The following COP1 variants were observed in gnomAD, a reference collection of about 807,000 sequenced individuals.
The protein encoded by COP1 is COP1 E3 ubiquitin ligase.
In COP1, 24 loss-of-function variants were observed where a neutral mutation model predicts 101.3. The observed-to-expected ratio is 0.24, with a 90% confidence interval of 0.17 to 0.33. The LOEUF (loss-of-function observed/expected upper bound fraction) is 0.33, where lower values mean the gene tolerates loss of function less well. Among genes scored for constraint, COP1 ranks in the 10% least tolerant of loss-of-function variants. The pLI is 1.00. For missense variants in COP1, 663 were observed against 906.2 expected, an observed-to-expected ratio of 0.73 and a Z score of 3.45; for synonymous variants, 347 against 341.9, an observed-to-expected ratio of 1.01 and a Z score of -0.17.
chr1:176,094,602 C>A, intron 9 of COP1, among the ~76,000 whole-genome samples: 1 of 149,548 alleles, frequency 6.7e-6, no homozygotes. Context: ...TCACATTTAG[C>A]AAACTCAAAG....
chr1:176,063,173 C>T lies in COP1; in HGVS notation c.1278-16849G>A, dbSNP rs567596132. 6.8e-3 allele frequency among the ~76,000 whole-genome samples: 1,005 copies of T among 148,636 alleles called. 9 individuals carry two copies. Among genetic ancestry groups the T allele is most frequent in the African/African-American group, 0.024 (953 of 40,540 alleles). Reference sequence around the variant, plus strand: ...TTCCTGGGTTCACGCCATTCTCCTGCCTCAGCCTCCCGAGTAGCTGGGACT... The same window carrying T: ...TTCCTGGGTTCACGCCATTCTCCTGTCTCAGCCTCCCGAGTAGCTGGGACT... On this transcript the variant is annotated intron_variant, in intron 11 of 19. Coordinates refer to ENST00000367669, the MANE Select transcript of COP1 (RefSeq NM_022457.7).
chr1:176,178,142 T>C (rs12093427), intron 2 of COP1, among the ~76,000 whole-genome samples: 8,516 of 152,212 alleles, frequency 0.056, 275 homozygotes, highest in African/African-American at 0.077. Flanking sequence ...ACTAAATCTT[T>C]ATTTTCATTT....
At chr1:176,161,907 A>G (rs1694385335) in intron 5 of COP1, among the ~76,000 whole-genome samples, 2 of 152,246 alleles carry the variant, frequency 1.3e-5, no homozygotes, top group Admixed American at 1.3e-4. Flanking sequence ...ATCCAAGCTA[A>G]GTTAATCATA....
At position 176,104,113 on chromosome 1, in the gene COP1, T is replaced by C. The variant is rs149527031; in HGVS notation, c.1026+12511A>G. 4.6e-5 allele frequency among the ~76,000 whole-genome samples: 7 copies of C among 152,248 alleles called. No individual in the cohort carries two copies. The East Asian group carries it at 1.2e-3, about 25-fold the overall frequency. On this transcript the variant is annotated intron_variant, in intron 9 of 19. Transcript: ENST00000367669. ...CAGCAGATGGATAAACTTTTTAAAATAGGGCTGGGGGCACATAGCTAGTCA... is the reference window on the plus strand; with the variant it reads ...CAGCAGATGGATAAACTTTTTAAAACAGGGCTGGGGGCACATAGCTAGTCA...
At chr1:176,028,727 A>ATATATATG (rs5778886) in intron 14 of COP1, among the ~76,000 whole-genome samples, 1 of 111,750 alleles carries the variant, frequency 8.9e-6, no homozygotes, top group Non-Finnish European at 1.9e-5. Context: ...ATATATATAT[A>ATATATATG]GTTTTATATA....
At chr1:176,018,020 AG>A (rs144732500) in intron 15 of COP1, among the ~76,000 whole-genome samples, 8,702 of 152,286 alleles carry the variant, frequency 0.057, 368 homozygotes, top group Middle Eastern at 0.12. Context: ...CTCTCAATTT[AG>A]TTGTCAGATC....
chr1:176,165,976 T>G (rs1695078006), intron 3 of COP1, among the ~76,000 whole-genome samples: 1 of 152,218 alleles, frequency 6.6e-6, no homozygotes, highest in Non-Finnish European at 1.5e-5. Flanking sequence ...AAATAGTGAC[T>G]GTTAAATACT....
chr1:176,201,206 C>A (rs1255689523), intron 1 of COP1, among the ~76,000 whole-genome samples: 2 of 151,886 alleles, frequency 1.3e-5, no homozygotes, highest in African/African-American at 4.8e-5. Flanking sequence ...ACCAAAAAAA[C>A]CCCTAAAATC....
chr1:176,141,484 G>C (rs146447727), intron 6 of COP1, among the ~76,000 whole-genome samples: 2,412 of 152,084 alleles, frequency 0.016, 32 homozygotes, highest in Non-Finnish European at 0.023. Flanking sequence ...CTGGGCAACA[G>C]AGCAAGACTC....
rs565522944 is a variant in COP1 at position 176,109,042 on chromosome 1, G to A, written c.1026+7582C>T. ...CTGGAGAATCGCTTGAACCCGGGAG[G>A]TGGAGGTTGCAGTGAGCTGAGATCA... On this transcript the variant is annotated intron_variant, in intron 9 of 19. Transcript: ENST00000367669. 1.1e-4 allele frequency among the ~76,000 whole-genome samples: 16 copies of A among 152,220 alleles called. No homozygotes were observed. In the South Asian group the frequency reaches 3.3e-3, roughly 32 times the overall value.
At chr1:175,982,415 C>T (rs1309479747) in intron 18 of COP1, 1 of 456,454 alleles carries the variant, frequency 2.2e-6, no homozygotes, top group South Asian at 1.5e-5. Flanking sequence ...GAAAGACCAA[C>T]CCCACTTCTT....
chr1:176,140,425 T>C (rs940366074), intron 6 of COP1, among the ~76,000 whole-genome samples: 5 of 152,136 alleles, frequency 3.3e-5, no homozygotes. Flanking sequence ...AGAAAAAAGT[T>C]TGGAAGACTG....
intron 9 of COP1, among the ~76,000 whole-genome samples, chr1:176,114,620 C>T (rs1454413927): frequency 6.6e-6 from 1 of 151,742 alleles, no homozygotes; most frequent in Non-Finnish European, 1.5e-5. Flanking sequence ...AAGGGTCTCA[C>T]TCTGTCACCC....
At chr1:175,991,005 A>G (rs777001903) in intron 15 of COP1, among the ~76,000 whole-genome samples, 2 of 152,112 alleles carry the variant, frequency 1.3e-5, no homozygotes, top group Non-Finnish European at 2.9e-5. Flanking sequence ...CACATCTGAA[A>G]TCAAAAAATC....
At chr1:175,979,883 A>G in intron 18 of COP1, among the ~76,000 whole-genome samples, 1 of 152,186 alleles carries the variant, frequency 6.6e-6, no homozygotes, top group Admixed American at 6.5e-5. Context: ...AGAAAAGATA[A>G]AGGCCAAGCT....
At chr1:176,141,240 G>A (rs1226396791) in intron 6 of COP1, among the ~76,000 whole-genome samples, 8 of 152,182 alleles carry the variant, frequency 5.3e-5, no homozygotes, top group Admixed American at 3.3e-4. Context: ...GGTGGCTCAC[G>A]CCTGTAAGCC....
At chr1:176,205,328 T>C (rs754379109) in intron 1 of COP1, among the ~76,000 whole-genome samples, 1 of 152,174 alleles carries the variant, frequency 6.6e-6, no homozygotes, top group Non-Finnish European at 1.5e-5. Context: ...GAAAAACAGA[T>C]TAATTCTGAT....
Position 176,167,178 on chromosome 1 carries a change from C to T in COP1, c.566-3287G>A, listed in dbSNP as rs55688195. Among the ~76,000 whole-genome samples the T allele has an allele frequency of 3.2e-3, 483 of 152,238 alleles. 1 individual carries two copies. The highest frequency in any genetic ancestry group is 0.011 in the African/African-American group (459 of 41,530). ...ATATGAAAGTCATTAGAGTCACACA[C>T]TTAGTGGGAAAACCCTTTCAAAACT... is the stretch of plus-strand genomic sequence containing the variant. On this transcript the variant is annotated intron_variant, in intron 3 of 19. Transcript: ENST00000367669.
At chr1:176,055,412 G>A (rs930180389) in intron 11 of COP1, among the ~76,000 whole-genome samples, 4 of 152,172 alleles carry the variant, frequency 2.6e-5, no homozygotes, top group Admixed American at 1.3e-4. Flanking sequence ...TCCAGCCTGG[G>A]CAACAAAAGT....
Sources: allele counts gnomAD v4.1 joint callset (sites outside exome capture counted in the v4.1 genomes callset), GRCh38; gene constraint gnomAD v4.1.1; transcripts MANE v1.5; gene names NCBI Gene and HGNC (gene_info 2026-07-23, HGNC 2026-07-21).